The following ZNRF1 variants were observed in gnomAD, a reference collection of about 807,000 sequenced individuals.
ZNRF1 encodes the protein E3 ubiquitin-protein ligase ZNRF1.
Under a neutral mutation model 18.4 loss-of-function variants are expected in ZNRF1, and 3 were observed. The observed-to-expected ratio is 0.16, with a 90% CI of 0.07 to 0.42. ZNRF1 has a LOEUF of 0.42. Ranked by LOEUF, ZNRF1 falls within the 10% of genes least tolerant of loss-of-function variation. The pLI, the probability that ZNRF1 is intolerant of heterozygous loss-of-function variation, is 0.99. For missense variants in ZNRF1, 310 were observed against 329.8 expected (o/e 0.94, Z 0.47); for synonymous variants, 157 against 144.2 (o/e 1.09, Z -0.64).
chr16:75,040,610 T>G (rs2035433538), intron 1 of ZNRF1, among the ~76,000 whole-genome samples: 2 of 137,822 alleles, frequency 1.5e-5, no homozygotes, highest in South Asian at 4.8e-4. Context: ...TTTTTTTTTT[T>G]TTTTTTTTTT....
At chr16:75,027,854 T>C (rs552743277) in intron 1 of ZNRF1, among the ~76,000 whole-genome samples, 1 of 152,316 alleles carries the variant, frequency 6.6e-6, no homozygotes, top group South Asian at 2.1e-4. Flanking sequence ...AATCCTGCTG[T>C]ATTTCCACAG....
chr16:75,042,822 C>CA (rs2035466743), intron 1 of ZNRF1, among the ~76,000 whole-genome samples: 1 of 152,158 alleles, frequency 6.6e-6, no homozygotes. Context: ...TGTGACCTCT[C>CA]ACAGAGGGCC....
At chr16:75,072,163 G>T (rs1435278718) in intron 1 of ZNRF1, among the ~76,000 whole-genome samples, 1 of 151,782 alleles carries the variant, frequency 6.6e-6, no homozygotes, top group African/African-American at 2.4e-5. Context: ...TGTAGAAATG[G>T]GTTTCACTGT....
At chr16:75,000,150 G>A in intron 1 of ZNRF1, 55 bp downstream of exon 1, 1 of 1,559,966 alleles carries the variant, frequency 6.4e-7, no homozygotes, top group Non-Finnish European at 8.7e-7. Flanking sequence ...GGCGCCCCAA[G>A]CCTTCGCGTG....
intron 2 of ZNRF1, among the ~76,000 whole-genome samples, chr16:75,095,376 A>G (rs976712621): frequency 7.2e-5 from 11 of 151,994 alleles, no homozygotes; most frequent in Non-Finnish European, 1.2e-4. Context: ...GTCCTGTCGC[A>G]TGCATGCTGT....
chr16:75,041,944 T>C (rs2049611564), intron 1 of ZNRF1, among the ~76,000 whole-genome samples: 1 of 151,978 alleles, frequency 6.6e-6, no homozygotes, highest in South Asian at 2.1e-4. Flanking sequence ...CGCAGTGAGC[T>C]GAGATCATGC....
chr16:75,091,507 C>T (rs2036139601), intron 1 of ZNRF1, among the ~76,000 whole-genome samples: 1 of 151,654 alleles, frequency 6.6e-6, no homozygotes, highest in African/African-American at 2.4e-5. Context: ...CTCTGACCCC[C>T]ACACAGTCAA....
intron 1 of ZNRF1, among the ~76,000 whole-genome samples, chr16:75,020,550 CTTTTT>C (rs920704129): frequency 4.1e-5 from 6 of 146,450 alleles, no homozygotes; most frequent in African/African-American, 1.6e-4. Context: ...CTTTTCTTTT[CTTTTT>C]TTTTGAGATG....
At chr16:75,059,176 T>G (rs1228173758) in intron 1 of ZNRF1, among the ~76,000 whole-genome samples, 2 of 151,276 alleles carry the variant, frequency 1.3e-5, no homozygotes, top group Non-Finnish European at 3.0e-5. Context: ...ATCTTGGATT[T>G]TCTTTTTTCT....
At chr16:75,050,901 A>AAAAAAAAAAC (rs2035590974) in intron 1 of ZNRF1, among the ~76,000 whole-genome samples, 1 of 133,594 alleles carries the variant, frequency 7.5e-6, no homozygotes, top group Non-Finnish European at 1.6e-5. Flanking sequence ...AAAAAAAACA[A>AAAAAAAAAAC]AAAACTTGTA....
At chr16:75,049,662 T>A (rs1328380732) in intron 1 of ZNRF1, among the ~76,000 whole-genome samples, 1 of 152,188 alleles carries the variant, frequency 6.6e-6, no homozygotes, top group Admixed American at 6.5e-5. Flanking sequence ...ATTTCGCTGC[T>A]TCTACTTACT....
rs1425633164 is a variant in ZNRF1, at chr16:75,000,050, G to C, written c.379G>C (p.Ala127Pro). ...YLGSRASLAD[A>P]LPLHIAPRWF... ...GGGCTCCCGAGCCTCGCTGGCGGAT[G>C]CTCTACCTCTGCACATCGCACCCAG... Residue 127 changes from alanine to proline, a missense_variant, in exon 1 of 5, where the codon GCT (alanine) becomes CCT (proline). By Grantham distance (27) the Ala-to-Pro change is conservative. This residue lies in a region of ZNRF1 where 293 missense variants were observed against 291.2 expected (regional missense o/e 1.01). Transcript: ENST00000335325. 1 of 1,600,860 alleles carries C rather than the reference G, an allele frequency of 6.2e-7. No homozygotes were observed. The highest frequency in any genetic ancestry group is 8.5e-7 in the Non-Finnish European group (1 of 1,175,022).
intron 1 of ZNRF1, among the ~76,000 whole-genome samples, chr16:75,039,254 T>A (rs914326041): frequency 6.6e-6 from 1 of 152,222 alleles, no homozygotes; most frequent in African/African-American, 2.4e-5. Context: ...CTGTTTTATT[T>A]ATTATTTTTA....
At chr16:75,037,240 C>G (rs1409890423) in intron 1 of ZNRF1, among the ~76,000 whole-genome samples, 2 of 152,174 alleles carry the variant, frequency 1.3e-5, no homozygotes, top group Non-Finnish European at 2.9e-5. Context: ...GGAACTACAT[C>G]AGTAGATAGG....
In ZNRF1 at chr16:75,049,490, A is replaced by G. The variant is rs549530848; in HGVS notation, c.425-44082A>G. Among the ~76,000 whole-genome samples the G allele has an allele frequency of 8.9e-4, 136 of 152,230 alleles. 2 individuals carry two copies. Among genetic ancestry groups the G allele is most frequent in the African/African-American group, 3.1e-3 (127 of 41,548 alleles). On this transcript the variant is annotated intron_variant, in intron 1 of 4. Coordinates refer to ENST00000335325, the MANE Select transcript of ZNRF1 (RefSeq NM_032268.5). ...CACAGGTGTGCACCACCACACCTGG[A>G]TAGTTTTTAAAAATTGCTTGTAGAG... is the stretch of plus-strand genomic sequence containing the variant.
chr16:75,071,620 G>T (rs935388636), intron 1 of ZNRF1, among the ~76,000 whole-genome samples: 2 of 152,194 alleles, frequency 1.3e-5, no homozygotes, highest in African/African-American at 4.8e-5. Context: ...GGTCAGAACA[G>T]TCCCAGGCCC....
chr16:75,106,560 C>T lies in ZNRF1; in HGVS notation c.*21C>T. 1.2e-6 allele frequency: 2 copies of T among 1,614,068 alleles called. No individual in the cohort carries two copies. Among genetic ancestry groups the T allele is most frequent in the Non-Finnish European group, 1.7e-6 (2 of 1,179,998 alleles). On this transcript the variant is annotated 3_prime_UTR_variant, in exon 4 of 5. Coordinates refer to ENST00000335325, the MANE Select transcript of ZNRF1 (RefSeq NM_032268.5). ...ACTGACCTGCGGGCTTGCTTGCTGACTCCTCTCAAAGGTGAGCCCGCGTTT... is the reference window on the plus strand; with the variant it reads ...ACTGACCTGCGGGCTTGCTTGCTGATTCCTCTCAAAGGTGAGCCCGCGTTT...
At chr16:75,027,042 C>T (rs988881875) in intron 1 of ZNRF1, among the ~76,000 whole-genome samples, 1 of 152,144 alleles carries the variant, frequency 6.6e-6, no homozygotes, top group African/African-American at 2.4e-5. Context: ...TGTTAACATT[C>T]CTATTTCACA....
chr16:75,073,684 C>T (rs370184083), intron 1 of ZNRF1, among the ~76,000 whole-genome samples: 73 of 152,132 alleles, frequency 4.8e-4, no homozygotes, highest in African/African-American at 1.7e-3. Flanking sequence ...ACATTTAATC[C>T]ATTGCTTGTG....
Sources: allele counts gnomAD v4.1 joint callset (sites outside exome capture counted in the v4.1 genomes callset), GRCh38; gene constraint gnomAD v4.1.1; regional missense constraint gnomAD v4.1.1; transcripts MANE v1.5; gene names NCBI Gene and HGNC (gene_info 2026-07-23, HGNC 2026-07-21).